B4GALNT1: variants seen among roughly 807,000 people sequenced by gnomAD.
The protein encoded by B4GALNT1 is beta-1,4 N-acetylgalactosaminyltransferase 1.
A neutral mutation model predicts 55.2 loss-of-function variants in B4GALNT1; 43 were observed. The observed-to-expected ratio is 0.78, with a 90% CI of 0.61 to 1.00. The LOEUF is 1.00. Among genes scored for constraint, B4GALNT1 ranks in the 50% least tolerant of loss-of-function variants. The pLI is 0.00. For missense variants in B4GALNT1, 664 were observed against 729.7 expected (o/e 0.91, Z 1.04); for synonymous variants, 305 against 311.6 (o/e 0.98, Z 0.22).
Position 57,628,672 on chromosome 12 carries a change from G to C in B4GALNT1, c.1002+41C>G, listed in dbSNP as rs375777493. On this transcript the variant is annotated intron_variant, in intron 8 of 10. Coordinates refer to ENST00000341156, the MANE Select transcript of B4GALNT1 (RefSeq NM_001478.5). ...TGCAGATTGAGGGCACACCCCCTGC[G>C]GGAGTCCTCTGGCCTGCCGTTCAGC... 5.0e-6 allele frequency: 8 copies of C among 1,610,642 alleles called. No homozygotes were observed. The African/African-American group carries it at 9.4e-5, about 19-fold the overall frequency.
Position 57,623,884 on chromosome 12 carries a change from C to T in B4GALNT1, c.*2860G>A. On this transcript the variant is annotated 3_prime_UTR_variant, in exon 11 of 11. Coordinates refer to ENST00000341156, the MANE Select transcript of B4GALNT1 (RefSeq NM_001478.5). ...AGTGGTCCTGTCGGTGCTGCTGTGG[C>T]TGGGGCCCTTCTTTTACTATCTGCC... The T allele has an allele frequency of 6.2e-7, 1 of 1,614,082 alleles. No homozygotes were observed. The highest frequency in any genetic ancestry group is 8.5e-7 in the Non-Finnish European group (1 of 1,179,990).
Position 57,632,016 on chromosome 12 carries a change from C to A in B4GALNT1, c.117G>T (p.Pro39=). The A allele has an allele frequency of 6.9e-7, 1 of 1,448,554 alleles. No individual in the cohort carries two copies. Among genetic ancestry groups the A allele is most frequent in the Admixed American group, 2.8e-5 (1 of 35,158 alleles). 89.7% of individuals were successfully genotyped at this position (1,448,554 alleles called of 1,614,324 possible). ...DAPGLRLPLA[P]WAPPQSPRRP... ...TGCGGGGGCTTTGCGGGGGCGCCCACGGCGCAAGAGGTAGCCGGAGGCCGG... is the reference window on the plus strand; with the variant it reads ...TGCGGGGGCTTTGCGGGGGCGCCCAAGGCGCAAGAGGTAGCCGGAGGCCGG... Residue 39 remains proline, a synonymous_variant, in exon 2 of 11, where the codon CCG becomes CCT. Coordinates refer to ENST00000341156, the MANE Select transcript of B4GALNT1 (RefSeq NM_001478.5).
chr12:57,630,347 G>A lies in B4GALNT1; in HGVS notation c.532-15C>T, dbSNP rs767406768. ...GTCAGGTTCACCTAGGAGGGGATTG[G>A]AGAGTGCAGGGTTAGGCCCCAGACC... is the stretch of plus-strand genomic sequence containing the variant. On this transcript the variant is annotated splice_polypyrimidine_tract_variant and intron_variant, in intron 5 of 10. Coordinates refer to ENST00000341156, the MANE Select transcript of B4GALNT1 (RefSeq NM_001478.5). 6.2e-7 allele frequency: 1 copy of A among 1,612,728 alleles called. No homozygotes were observed.
intron 8 of B4GALNT1, 94 bp downstream of exon 8, chr12:57,628,619 G>A (rs1594980854): frequency 7.0e-7 from 1 of 1,427,120 alleles, no homozygotes; most frequent in Non-Finnish European, 9.7e-7. Context: ...TCTGAGGCAG[G>A]TGGTCCTCGA....
At position 57,626,518 on chromosome 12, in the gene B4GALNT1, G is replaced by C; in HGVS notation, c.*226C>G. 1.7e-6 allele frequency: 1 copy of C among 575,090 alleles called. No individual in the cohort carries two copies. The highest frequency in any genetic ancestry group is 2.0e-5 in the South Asian group (1 of 49,518). The allele number at this position is 575,090 out of a possible 1,614,324, so 35.6% of individuals were successfully genotyped here. A position where few individuals can be genotyped will look rare whatever the true frequency, so the allele number is the denominator to read the frequency against. On this transcript the variant is annotated 3_prime_UTR_variant, in exon 11 of 11. Coordinates refer to ENST00000341156, the MANE Select transcript of B4GALNT1 (RefSeq NM_001478.5). ...TGGGCAGGGGGAGGACTTGGCACTG[G>C]CTGTGGGAGAGGTTATGGCTCCACC...
chr12:57,631,118 A>AGTCGGGGGG (rs1225880490), intron 3 of B4GALNT1, 32 bp from the exon 4 acceptor site: 1 of 1,607,392 alleles, frequency 6.2e-7, no homozygotes, highest in African/African-American at 1.3e-5. Flanking sequence ...GACAGAGCAG[A>AGTCGGGGGG]GTCGGGGGGA....
Position 57,632,020 on chromosome 12 carries a change from G to A in B4GALNT1, c.113C>T (p.Ala38Val). 1 of 1,454,272 alleles carries A rather than the reference G, an allele frequency of 6.9e-7. No individual in the cohort carries two copies. Among genetic ancestry groups the A allele is most frequent in the Non-Finnish European group, 9.1e-7 (1 of 1,103,514 alleles). The allele number at this position is 1,454,272 out of a possible 1,614,324, so 90.1% of individuals were successfully genotyped here. Reference sequence around the variant, plus strand: ...GGGGCTTTGCGGGGGCGCCCACGGCGCAAGAGGTAGCCGGAGGCCGGGCGC... The same window carrying A: ...GGGGCTTTGCGGGGGCGCCCACGGCACAAGAGGTAGCCGGAGGCCGGGCGC... ...RDAPGLRLPLAPWAPPQSPRR... is the reference protein window; with the variant it reads ...RDAPGLRLPLVPWAPPQSPRR... The change falls in exon 2 of 11, where the codon GCG becomes GTG. Residue 38 changes from alanine (A) to valine (V), a missense_variant. By Grantham distance (64) the Ala-to-Val change is moderately conservative. Transcript: ENST00000341156.
intron 6 of B4GALNT1, 42 bp from the exon 7 acceptor site, chr12:57,629,188 T>C: frequency 1.3e-6 from 2 of 1,485,042 alleles, no homozygotes; most frequent in Non-Finnish European, 1.8e-6. Context: ...AAGGGTGGGA[T>C]AACATTCTGT....
At position 57,626,738 on chromosome 12, in the gene B4GALNT1, G is replaced by C; in HGVS notation, c.*6C>G. The C allele has an allele frequency of 6.2e-7, 1 of 1,614,010 alleles. No homozygotes were observed. Among genetic ancestry groups the C allele is most frequent in the Non-Finnish European group, 8.5e-7 (1 of 1,179,866 alleles). On this transcript the variant is annotated 3_prime_UTR_variant, in exon 11 of 11. Transcript: ENST00000341156. The stretch of plus-strand genomic sequence containing the variant: ...AGCCTGACAGTCAGAAATCCCCAGC[G>C]GGCCATCACTGGGAGGTCATGCACT...
rs1030448593 is a variant in B4GALNT1, at chr12:57,631,508, G to A, written c.219-144C>T. On this transcript the variant is annotated intron_variant, in intron 2 of 10. Transcript: ENST00000341156. ...CCCCTTAAATGCTGCCCTTCAAATA[G>A]TCCTCGGGAGGGGGACCAAGGATCG... The A allele has an allele frequency of 3.2e-5, 30 of 933,228 alleles. No homozygotes were observed. The African/African-American group carries it at 4.8e-4, about 15-fold the overall frequency. 57.8% of individuals were successfully genotyped at this position (933,228 alleles called of 1,614,324 possible). A position where few individuals can be genotyped will look rare whatever the true frequency, so the allele number is the denominator to read the frequency against.
In B4GALNT1 at chr12:57,623,751, T is replaced by C. The variant is rs1450173068; in HGVS notation, c.*2993A>G. On this transcript the variant is annotated 3_prime_UTR_variant, in exon 11 of 11. Coordinates refer to ENST00000341156, the MANE Select transcript of B4GALNT1 (RefSeq NM_001478.5). ...GAGAAGGGAGACTTCCGAGGAAGAT[T>C]AGGCAGAGTGGGCAGGAAGACCAGC... 8.5e-7 allele frequency: 1 copy of C among 1,175,110 alleles called. No individual in the cohort carries two copies. The highest frequency in any genetic ancestry group is 1.2e-6 in the Non-Finnish European group (1 of 816,544). The allele number at this position is 1,175,110 out of a possible 1,614,324, so 72.8% of individuals were successfully genotyped here. A position where few individuals can be genotyped will look rare whatever the true frequency, so the allele number is the denominator to read the frequency against.
chr12:57,625,688 G>A lies in B4GALNT1; in HGVS notation c.*1056C>T. 1 of 1,569,878 alleles carries A rather than the reference G, an allele frequency of 6.4e-7. No homozygotes were observed. Among genetic ancestry groups the A allele is most frequent in the Non-Finnish European group, 8.6e-7 (1 of 1,159,020 alleles). On this transcript the variant is annotated 3_prime_UTR_variant, in exon 11 of 11. Transcript: ENST00000341156. Reference sequence around the variant, plus strand: ...CAGCTGCTTATGCCCTGGGGAGCCTGTTAAGGGGCAGTAGCACCAGGAGCG... The same window carrying A: ...CAGCTGCTTATGCCCTGGGGAGCCTATTAAGGGGCAGTAGCACCAGGAGCG...
At chr12:57,630,731 C>G (rs539926009) in intron 4 of B4GALNT1, among the ~76,000 whole-genome samples, 1 of 152,238 alleles carries the variant, frequency 6.6e-6, no homozygotes, top group Non-Finnish European at 1.5e-5. Context: ...CTGACCACCA[C>G]CTAACCAATG....
chr12:57,630,589 C>T, intron 4 of B4GALNT1, 71 bp from the exon 5 acceptor site: 2 of 1,493,880 alleles, frequency 1.3e-6, no homozygotes, highest in South Asian at 2.6e-5. Context: ...TCTCTCCCTG[C>T]TGTCACCACA....
intron 9 of B4GALNT1, 40 bp downstream of exon 9, chr12:57,628,082 G>A (rs1884960043): frequency 6.2e-7 from 1 of 1,610,070 alleles, no homozygotes; most frequent in Non-Finnish European, 8.5e-7. Context: ...GCCTGTTCAA[G>A]GCCCTTCTCC....
At chr12:57,629,696 T>G in intron 6 of B4GALNT1, 13 of 1,285,668 alleles carry the variant, frequency 1.0e-5, no homozygotes, top group Non-Finnish European at 1.2e-5. Flanking sequence ...CATTCCAGGC[T>G]GAGAAAATAG....
At position 57,625,867 on chromosome 12, in the gene B4GALNT1, G is replaced by A; in HGVS notation, c.*877C>T. 1 of 1,185,934 alleles carries A rather than the reference G, an allele frequency of 8.4e-7. No homozygotes were observed. The highest frequency in any genetic ancestry group is 2.7e-5 in the East Asian group (1 of 36,744). 73.5% of individuals were successfully genotyped at this position (1,185,934 alleles called of 1,614,324 possible). On this transcript the variant is annotated 3_prime_UTR_variant, in exon 11 of 11. Coordinates refer to ENST00000341156, the MANE Select transcript of B4GALNT1 (RefSeq NM_001478.5). ...TTGAAGACCAAATCAGGGAGCCCGG[G>A]CTGAGCTATGGGTGAGGAACTGAAG...
chr12:57,632,160 G>GA, intron 1 of B4GALNT1, 27 bp from the exon 2 acceptor site: 3 of 1,461,602 alleles, frequency 2.1e-6, no homozygotes, highest in Non-Finnish European at 2.8e-6. Context: ...TGGGGAGTGA[G>GA]AAAGGGAGGG....
In B4GALNT1 at chr12:57,624,093, G is replaced by T. The variant is rs894298351; in HGVS notation, c.*2651C>A. The T allele has an allele frequency of 1.9e-6, 3 of 1,613,780 alleles. No homozygotes were observed. The African/African-American group carries it at 4.0e-5, about 22-fold the overall frequency. ...ACAACTATGGCACATCAGCCGAGTGGACTTTGTGAGAAATGCCATTACCCC... is the reference window on the plus strand; with the variant it reads ...ACAACTATGGCACATCAGCCGAGTGTACTTTGTGAGAAATGCCATTACCCC... On this transcript the variant is annotated 3_prime_UTR_variant, in exon 11 of 11. Transcript: ENST00000341156.
Sources: allele counts gnomAD v4.1 joint callset (sites outside exome capture counted in the v4.1 genomes callset), GRCh38; gene constraint gnomAD v4.1.1; transcripts MANE v1.5; gene names NCBI Gene and HGNC (gene_info 2026-07-23, HGNC 2026-07-21).